EMCN: variants seen among roughly 807,000 people sequenced by gnomAD.
EMCN encodes endomucin.
A neutral mutation model predicts 38.4 loss-of-function variants in EMCN; 37 were observed. The observed-to-expected ratio is 0.96, with a 90% confidence interval of 0.74 to 1.27. The LOEUF is 1.27. EMCN is among the 50% of genes most tolerant of loss of function. The pLI is 0.00. For missense variants in EMCN, 318 were observed against 302.8 expected, an observed-to-expected ratio of 1.05 and a Z score of -0.37; for synonymous variants, 95 against 100.8, an observed-to-expected ratio of 0.94 and a Z score of 0.35.
chr4:100,431,705 C>T (rs1237618516), intron 5 of EMCN, among the ~76,000 whole-genome samples: 1 of 149,186 alleles, frequency 6.7e-6, no homozygotes, highest in Non-Finnish European at 1.5e-5. Context: ...ATCACATGAG[C>T]CAATTCTTAC....
Position 100,424,334 on chromosome 4 carries a change from T to C in EMCN, c.416-930A>G, listed in dbSNP as rs186932748. On this transcript the variant is annotated intron_variant, in intron 5 of 11. Coordinates refer to ENST00000296420, the MANE Select transcript of EMCN (RefSeq NM_016242.4). ...CCTTGCCTCTTCACTGAATTGCAAG[T>C]TCCTAGAGTGTGAGGGCCATACTTG... 3.0e-3 allele frequency among the ~76,000 whole-genome samples: 463 copies of C among 152,188 alleles called. 2 individuals are homozygous for C. The highest frequency in any genetic ancestry group is 5.3e-3 in the Non-Finnish European group (361 of 68,002).
chr4:100,404,637 G>A (rs779562356), intron 11 of EMCN, among the ~76,000 whole-genome samples: 22 of 152,064 alleles, frequency 1.4e-4, no homozygotes, highest in Non-Finnish European at 2.6e-4. Context: ...TTTGAAGTTG[G>A]GTAAGGTAAT....
At chr4:100,451,200 A>G (rs1224004806) in intron 4 of EMCN, among the ~76,000 whole-genome samples, 1 of 151,816 alleles carries the variant, frequency 6.6e-6, no homozygotes, top group Non-Finnish European at 1.5e-5. Context: ...CATTTATGGT[A>G]GTTTATTTTT....
intron 1 of EMCN, among the ~76,000 whole-genome samples, chr4:100,515,273 C>T (rs530761092): frequency 6.6e-6 from 1 of 152,136 alleles, no homozygotes; most frequent in East Asian, 1.9e-4. Context: ...AAAGCTCATC[C>T]ATACATCTAG....
intron 1 of EMCN, among the ~76,000 whole-genome samples, chr4:100,485,172 A>G (rs1327812035): frequency 6.6e-6 from 1 of 152,194 alleles, no homozygotes; most frequent in Non-Finnish European, 1.5e-5. Context: ...CAACTAATTT[A>G]TGGAATTGAT....
chr4:100,415,881 C>T lies in EMCN; in HGVS notation c.751+17G>A. 6.5e-7 allele frequency: 1 copy of T among 1,545,724 alleles called. No homozygotes were observed. On this transcript the variant is annotated intron_variant, in intron 10 of 11. Transcript: ENST00000296420. The stretch of plus-strand genomic sequence containing the variant: ...AAATAACTAATTTTCATCTAATCAA[C>T]TTGTCTGGAAACTTACCAGACTCAT...
chr4:100,400,796 C>T (rs866440081), intron 11 of EMCN, among the ~76,000 whole-genome samples: 10 of 152,124 alleles, frequency 6.6e-5, no homozygotes, highest in African/African-American at 1.7e-4. Context: ...GTTTCATCAG[C>T]ATGCATTTCA....
chr4:100,453,354 G>A (rs1225650292), intron 4 of EMCN, among the ~76,000 whole-genome samples: 3 of 152,028 alleles, frequency 2.0e-5, no homozygotes, highest in African/African-American at 7.2e-5. Context: ...ATCAAAAAGT[G>A]GGCAAAGGAT....
rs182366440 is a variant in EMCN at position 100,448,021 on chromosome 4, A to G, written c.377-450T>C. On this transcript the variant is annotated intron_variant, in intron 4 of 11. Transcript: ENST00000296420. ...TTGAATATCCTGAGATAACATAGAAAACAAAAATCCTTCAGTAAGTGCTTA... is the reference window on the plus strand; with the variant it reads ...TTGAATATCCTGAGATAACATAGAAGACAAAAATCCTTCAGTAAGTGCTTA... 3.9e-3 allele frequency among the ~76,000 whole-genome samples: 589 copies of G among 152,142 alleles called. 3 individuals carry two copies. The highest frequency in any genetic ancestry group is 6.2e-3 in the Non-Finnish European group (420 of 67,992).
intron 1 of EMCN, among the ~76,000 whole-genome samples, chr4:100,490,174 T>TAAA (rs35563606): frequency 1.7e-4 from 20 of 120,362 alleles, no homozygotes; most frequent in South Asian, 4.8e-4. Context: ...CTTGAAAAAG[T>TAAA]AAAAAAAAAA....
rs140708285 is a variant in EMCN at position 100,455,516 on chromosome 4, T to C, written c.377-7945A>G. Among the ~76,000 whole-genome samples, 105 of 82,380 alleles carry C rather than the reference T, an allele frequency of 1.3e-3. No individual in the cohort carries two copies. The South Asian group carries it at 0.013, about 10-fold the overall frequency. The allele number at this position is 82,380 out of a possible 152,430, so 54.0% of individuals were successfully genotyped here. ...AGAATTCTAGGGTGAAAAGTTTTTT[T>C]TTTTTTTTCTTCCAGTACTAAAAAG... On this transcript the variant is annotated intron_variant, in intron 4 of 11. Transcript: ENST00000296420.
At chr4:100,437,149 A>C (rs72923832) in intron 5 of EMCN, among the ~76,000 whole-genome samples, 1 of 152,160 alleles carries the variant, frequency 6.6e-6, no homozygotes, top group South Asian at 2.1e-4. Flanking sequence ...ATCACATAGT[A>C]GTTTTGATTT....
intron 11 of EMCN, among the ~76,000 whole-genome samples, chr4:100,405,474 G>C (rs563788369): frequency 6.6e-6 from 1 of 152,018 alleles, no homozygotes; most frequent in Non-Finnish European, 1.5e-5. Context: ...TTATTAAGAT[G>C]ATCATGCAAT....
chr4:100,404,349 A>G (rs757060507), intron 11 of EMCN, among the ~76,000 whole-genome samples: 1 of 152,180 alleles, frequency 6.6e-6, no homozygotes, highest in Non-Finnish European at 1.5e-5. Flanking sequence ...GCTTTGTTAA[A>G]GATGAGATGG....
Position 100,421,333 on chromosome 4 carries a change from A to G in EMCN, c.613T>C (p.Ser205Pro), listed in dbSNP as rs1276028211. 1.2e-6 allele frequency: 2 copies of G among 1,612,818 alleles called. No individual in the cohort carries two copies. The highest frequency in any genetic ancestry group is 1.1e-5 in the South Asian group (1 of 91,038). ...TACAAACCCACCAGAACAAATACTG[A>G]AAGTGTTATTACAATCAAAGCAATA... is the stretch of plus-strand genomic sequence containing the variant. The part of the protein sequence containing the change: ...VVIALIVITL[S>P]VFVLVGLYRM... Residue 205 changes from serine to proline, a missense_variant, in exon 8 of 12, where the codon TCA becomes CCA. Ser to Pro is a moderately conservative substitution (Grantham distance 74, BLOSUM62 -1). Transcript: ENST00000296420.
intron 1 of EMCN, among the ~76,000 whole-genome samples, chr4:100,506,531 C>G (rs79289574): frequency 1.3e-5 from 2 of 151,750 alleles, no homozygotes; most frequent in Non-Finnish European, 2.9e-5. Flanking sequence ...TTACTCAGAT[C>G]TAACTGAATA....
chr4:100,473,182 T>G lies in EMCN; in HGVS notation c.259+1856A>C, dbSNP rs1009799853. On this transcript the variant is annotated intron_variant, in intron 3 of 11. Coordinates refer to ENST00000296420, the MANE Select transcript of EMCN (RefSeq NM_016242.4). Reference sequence around the variant, plus strand: ...GATGCGTGCCACCACGCCCAGTAAATTTTTGTATTTTTAGTAGAGACATAC... The same window carrying G: ...GATGCGTGCCACCACGCCCAGTAAAGTTTTGTATTTTTAGTAGAGACATAC... Among the ~76,000 whole-genome samples the G allele has an allele frequency of 1.5e-4, 23 of 149,636 alleles. 1 individual carries two copies. The highest frequency in any genetic ancestry group is 1.3e-3 in the Admixed American group (19 of 14,996).
chr4:100,456,931 T>C (rs1344249202), intron 4 of EMCN, among the ~76,000 whole-genome samples: 1 of 152,164 alleles, frequency 6.6e-6, no homozygotes, highest in East Asian at 1.9e-4. Flanking sequence ...TTCATGAGAA[T>C]TGTGGATTTG....
At chr4:100,423,721 A>G (rs1726964817) in intron 5 of EMCN, among the ~76,000 whole-genome samples, 2 of 152,156 alleles carry the variant, frequency 1.3e-5, no homozygotes, top group Non-Finnish European at 2.9e-5. Context: ...ATGTAAATCT[A>G]TGCAAAAGCA....
Sources: allele counts gnomAD v4.1 joint callset (sites outside exome capture counted in the v4.1 genomes callset), GRCh38; gene constraint gnomAD v4.1.1; transcripts MANE v1.5; gene names NCBI Gene and HGNC (gene_info 2026-07-23, HGNC 2026-07-21).